NIBAN1: variants seen among roughly 807,000 people sequenced by gnomAD.
NIBAN1 encodes niban apoptosis regulator 1.
Under a neutral mutation model 75.1 loss-of-function variants are expected in NIBAN1, and 81 were observed. That is an observed-to-expected ratio of 1.08 (90% CI 0.90 to 1.30). The LOEUF is 1.30. NIBAN1 is among the 50% of genes most tolerant of loss of function. NIBAN1 has a pLI of 0.00. For synonymous variants in NIBAN1, 436 were observed against 424.8 expected (o/e 1.03, Z -0.32); for missense variants, 1,133 against 1,128.1 (o/e 1.00, Z -0.06).
chr1:184,941,330 C>A (rs970644430), intron 1 of NIBAN1, among the ~76,000 whole-genome samples: 1 of 152,096 alleles, frequency 6.6e-6, no homozygotes, highest in Non-Finnish European at 1.5e-5. Context: ...AAGTTAAACA[C>A]CTAAAATGTC....
At chr1:184,821,694 C>T (rs1005088665) in intron 8 of NIBAN1, among the ~76,000 whole-genome samples, 2 of 152,158 alleles carry the variant, frequency 1.3e-5, no homozygotes, top group Non-Finnish European at 2.9e-5. Flanking sequence ...GAAATTTTGG[C>T]ACAGAAGTTG....
rs994458477 is a variant in NIBAN1 at position 184,818,542 on chromosome 1, G to C, written c.1173+96C>G. ...GGGCAGAAGAATGGAAGGAAGGAAAGAAGGGAGGAAGGGAGGGAGAAATGG... is the reference window on the plus strand; with the variant it reads ...GGGCAGAAGAATGGAAGGAAGGAAACAAGGGAGGAAGGGAGGGAGAAATGG... On this transcript the variant is annotated intron_variant, in intron 9 of 13. Coordinates refer to ENST00000367511, the MANE Select transcript of NIBAN1 (RefSeq NM_052966.4). 1.9e-5 allele frequency: 23 copies of C among 1,198,608 alleles called. No individual in the cohort carries two copies. The African/African-American group carries it at 3.2e-4, about 17-fold the overall frequency. The allele number at this position is 1,198,608 out of a possible 1,614,324, so 74.2% of individuals were successfully genotyped here.
chr1:184,905,887 C>T (rs1406189261), intron 1 of NIBAN1, among the ~76,000 whole-genome samples: 6 of 152,072 alleles, frequency 3.9e-5, no homozygotes, highest in African/African-American at 1.4e-4. Context: ...AAACCCATGC[C>T]AATGCCCCAG....
intron 1 of NIBAN1, among the ~76,000 whole-genome samples, chr1:184,958,516 A>T (rs904325150): frequency 6.6e-6 from 1 of 152,138 alleles, no homozygotes; most frequent in Non-Finnish European, 1.5e-5. Flanking sequence ...TCACGCTGAT[A>T]CTCCTTTTCA....
At chr1:184,857,078 A>G (rs533334436) in intron 5 of NIBAN1, among the ~76,000 whole-genome samples, 2 of 152,216 alleles carry the variant, frequency 1.3e-5, no homozygotes, top group East Asian at 3.8e-4. Context: ...GAAATCTTCA[A>G]GCCTATCCTA....
intron 5 of NIBAN1, among the ~76,000 whole-genome samples, chr1:184,851,978 C>A (rs868510681): frequency 6.6e-6 from 1 of 151,852 alleles, no homozygotes; most frequent in African/African-American, 2.4e-5. Flanking sequence ...AAGCCCAGCA[C>A]GCGCCACAGT....
chr1:184,832,269 C>T (rs377467406), intron 5 of NIBAN1, among the ~76,000 whole-genome samples: 2 of 152,164 alleles, frequency 1.3e-5, no homozygotes, highest in Admixed American at 6.5e-5. Context: ...AGGCACCCAG[C>T]GCCTTTACGC....
Position 184,795,273 on chromosome 1 carries a change from T to C in NIBAN1, c.2491A>G (p.Lys831Glu), listed in dbSNP as rs1344601168. The change falls in exon 14 of 14, where the codon AAG (lysine) becomes GAG (glutamate). Residue 831 changes from lysine (K) to glutamate (E), a missense_variant. Lys to Glu is a moderately conservative substitution (Grantham distance 56). Transcript: ENST00000367511. ...TLTAHEGRGG[K>E]CTEEGDASQQ... Reference sequence around the variant, plus strand: ...GAGGCATCCCCTTCCTCGGTACACTTGCCCCCTCTTCCTTCATGGGCAGTG... The same window carrying C: ...GAGGCATCCCCTTCCTCGGTACACTCGCCCCCTCTTCCTTCATGGGCAGTG... The C allele has an allele frequency of 6.2e-7, 1 of 1,612,984 alleles. No individual in the cohort carries two copies. The highest frequency in any genetic ancestry group is 8.5e-7 in the Non-Finnish European group (1 of 1,180,024).
intron 1 of NIBAN1, among the ~76,000 whole-genome samples, chr1:184,921,371 A>C (rs1238963572): frequency 1.3e-5 from 2 of 152,178 alleles, no homozygotes; most frequent in Non-Finnish European, 2.9e-5. Context: ...CAAAAAAGTG[A>C]ATACAGACTT....
intron 12 of NIBAN1, among the ~76,000 whole-genome samples, chr1:184,801,389 G>A (rs571441312): frequency 6.6e-6 from 1 of 152,330 alleles, no homozygotes; most frequent in African/African-American, 2.4e-5. Flanking sequence ...CATTGCCCAG[G>A]AGACTGGAGA....
chr1:184,915,605 T>C (rs1487956409), intron 1 of NIBAN1, among the ~76,000 whole-genome samples: 1 of 152,174 alleles, frequency 6.6e-6, no homozygotes, highest in Middle Eastern at 3.2e-3. Flanking sequence ...AAGGTATGGC[T>C]CTGATGATGG....
In NIBAN1 at chr1:184,818,833, A is replaced by T. The variant is rs1348658138; in HGVS notation, c.986-8T>A. On this transcript the variant is annotated splice_polypyrimidine_tract_variant and splice_region_variant and intron_variant, in intron 8 of 13. Coordinates refer to ENST00000367511, the MANE Select transcript of NIBAN1 (RefSeq NM_052966.4). ...CCGGCTGGGCCACCATCGCTGAGGT[A>T]GGAAATAGCCAAAAAACCGTGACAT... 4.4e-6 allele frequency: 7 copies of T among 1,579,014 alleles called. No individual in the cohort carries two copies. Among genetic ancestry groups the T allele is most frequent in the Non-Finnish European group, 5.2e-6 (6 of 1,157,646 alleles).
chr1:184,823,417 C>T, intron 7 of NIBAN1, 88 bp from the exon 8 acceptor site: 13 of 1,500,588 alleles, frequency 8.7e-6, no homozygotes, highest in Non-Finnish European at 1.2e-5. Context: ...TCATCACAGG[C>T]CATCATAACA....
At chr1:184,817,648 T>A (rs188201797) in intron 9 of NIBAN1, among the ~76,000 whole-genome samples, 23 of 152,372 alleles carry the variant, frequency 1.5e-4, no homozygotes, top group Admixed American at 1.5e-3. Flanking sequence ...ATTTCATGTG[T>A]CTGTTGGCTA....
At chr1:184,805,272 C>A (rs1416757227) in intron 11 of NIBAN1, among the ~76,000 whole-genome samples, 1 of 152,110 alleles carries the variant, frequency 6.6e-6, no homozygotes, top group Admixed American at 6.5e-5. Context: ...GGTGTATGAT[C>A]GTTTATCCTT....
chr1:184,875,341 A>G (rs1478778440), intron 5 of NIBAN1, among the ~76,000 whole-genome samples: 1 of 152,196 alleles, frequency 6.6e-6, no homozygotes, highest in Non-Finnish European at 1.5e-5. Flanking sequence ...GCTTGGCTGG[A>G]TAGTTCTGGC....
chr1:184,864,000 T>C (rs905729199), intron 5 of NIBAN1, among the ~76,000 whole-genome samples: 3 of 152,250 alleles, frequency 2.0e-5, no homozygotes, highest in Non-Finnish European at 4.4e-5. Flanking sequence ...CTAGTATTGT[T>C]ACTTTCTAAA....
intron 1 of NIBAN1, among the ~76,000 whole-genome samples, chr1:184,928,847 C>T (rs1184049456): frequency 6.6e-6 from 1 of 152,058 alleles, no homozygotes; most frequent in East Asian, 1.9e-4. Flanking sequence ...AATAGTTGTA[C>T]AATTTGGTGT....
chr1:184,929,008 G>A (rs1052491808), intron 1 of NIBAN1, among the ~76,000 whole-genome samples: 7 of 152,088 alleles, frequency 4.6e-5, no homozygotes, highest in African/African-American at 1.7e-4. Context: ...TGTAAGTGGG[G>A]AAATAACCCC....
Sources: allele counts gnomAD v4.1 joint callset (sites outside exome capture counted in the v4.1 genomes callset), GRCh38; gene constraint gnomAD v4.1.1; transcripts MANE v1.5; gene names NCBI Gene and HGNC (gene_info 2026-07-23, HGNC 2026-07-21).